The following CPA6 variants were observed in gnomAD, a reference collection of about 807,000 sequenced individuals.
CPA6 encodes carboxypeptidase B.
CPA6 carries 58 observed loss-of-function variants against 63.3 expected under a neutral mutation model. That is an observed-to-expected ratio of 0.92 (90% CI 0.74 to 1.14). The LOEUF (loss-of-function observed/expected upper bound fraction) is 1.14, where lower values mean the gene tolerates loss of function less well. CPA6 is among the 50% of genes most tolerant of loss of function. CPA6 has a pLI of 0.00. For synonymous variants in CPA6, 185 were observed against 179.0 expected (o/e 1.03, Z -0.27); for missense variants, 565 against 526.6 (o/e 1.07, Z -0.71).
chr8:67,684,476 G>C (rs1301210750), intron 1 of CPA6, among the ~76,000 whole-genome samples: 1 of 152,058 alleles, frequency 6.6e-6, no homozygotes, highest in Non-Finnish European at 1.5e-5. Flanking sequence ...CACCTCCCTT[G>C]CCATCTCCCC....
intron 9 of CPA6, among the ~76,000 whole-genome samples, chr8:67,428,598 C>T (rs1044196444): frequency 2.0e-5 from 3 of 152,246 alleles, no homozygotes; most frequent in Non-Finnish European, 4.4e-5. Context: ...ATTCCCCTGC[C>T]TCAGCCTCCT....
intron 8 of CPA6, among the ~76,000 whole-genome samples, chr8:67,449,918 C>T (rs577449820): frequency 2.1e-4 from 31 of 150,250 alleles, no homozygotes; most frequent in African/African-American, 6.1e-4. Flanking sequence ...CGGGTTCAAG[C>T]GATTCTCATG....
At chr8:67,441,326 A>G (rs952625114) in intron 8 of CPA6, among the ~76,000 whole-genome samples, 2 of 152,224 alleles carry the variant, frequency 1.3e-5, no homozygotes, top group Admixed American at 6.5e-5. Flanking sequence ...AACTCTACTA[A>G]AAGATCTATA....
chr8:67,674,701 G>A (rs573709191), intron 1 of CPA6, among the ~76,000 whole-genome samples: 1 of 152,220 alleles, frequency 6.6e-6, no homozygotes, highest in East Asian at 1.9e-4. Flanking sequence ...AGATCATTAT[G>A]CCAAAAAGAC....
chr8:67,514,059 G>A (rs538329645), intron 3 of CPA6, among the ~76,000 whole-genome samples: 12 of 151,808 alleles, frequency 7.9e-5, no homozygotes, highest in African/African-American at 2.4e-4. Context: ...CCAAGTTCAA[G>A]CGATTCTCAT....
At chr8:67,489,713 T>A (rs1203930052) in intron 6 of CPA6, among the ~76,000 whole-genome samples, 2 of 152,200 alleles carry the variant, frequency 1.3e-5, no homozygotes, top group Non-Finnish European at 2.9e-5. Flanking sequence ...ATGTTATTAT[T>A]GTTTGTATTA....
At chr8:67,585,612 A>G (rs191831528) in intron 2 of CPA6, among the ~76,000 whole-genome samples, 21 of 152,274 alleles carry the variant, frequency 1.4e-4, no homozygotes, top group Admixed American at 6.5e-5. Context: ...GCAAACCCCA[A>G]AATAATTTTA....
intron 1 of CPA6, among the ~76,000 whole-genome samples, chr8:67,652,168 A>G (rs2128991559): frequency 6.6e-6 from 1 of 152,232 alleles, no homozygotes; most frequent in East Asian, 1.9e-4. Context: ...GTTGGTTCCA[A>G]GTCTTGCTAT....
intron 1 of CPA6, among the ~76,000 whole-genome samples, chr8:67,658,739 C>A (rs1479205452): frequency 6.6e-6 from 1 of 152,180 alleles, no homozygotes; most frequent in East Asian, 1.9e-4. Flanking sequence ...CATTTTGTTA[C>A]TAAAAATCCA....
At chr8:67,679,231 CCCCG>C (rs1816542344) in intron 1 of CPA6, among the ~76,000 whole-genome samples, 1 of 152,160 alleles carries the variant, frequency 6.6e-6, no homozygotes. Flanking sequence ...AAAACAAAAG[CCCCG>C]AACATTCTGA....
intron 1 of CPA6, among the ~76,000 whole-genome samples, chr8:67,720,036 G>A (rs1284707566): frequency 6.6e-6 from 1 of 152,100 alleles, no homozygotes; most frequent in Admixed American, 6.5e-5. Context: ...AATCACCTGG[G>A]GGCAGGTGGG....
rs151112813 is a variant in CPA6, at chr8:67,528,087, T to C, written c.193-10040A>G. Among the ~76,000 whole-genome samples, 1,480 of 152,316 alleles carry C rather than the reference T, an allele frequency of 9.7e-3. 25 individuals carry two copies. Among genetic ancestry groups the C allele is most frequent in the African/African-American group, 0.034 (1,396 of 41,568 alleles). ...CCGAAAGCCTGCAGAATTTCAGCCATTGAGCTAAGTGCTGAGGGTACAACA... is the reference window on the plus strand; with the variant it reads ...CCGAAAGCCTGCAGAATTTCAGCCACTGAGCTAAGTGCTGAGGGTACAACA... On this transcript the variant is annotated intron_variant, in intron 2 of 10. Coordinates refer to ENST00000297770, the MANE Select transcript of CPA6 (RefSeq NM_020361.5).
intron 2 of CPA6, among the ~76,000 whole-genome samples, chr8:67,612,442 G>A (rs1814832707): frequency 6.6e-6 from 1 of 152,046 alleles, no homozygotes; most frequent in Non-Finnish European, 1.5e-5. Context: ...CTCTGTACTG[G>A]GTCAATGTCT....
At chr8:67,594,983 G>A (rs1455721110) in intron 2 of CPA6, among the ~76,000 whole-genome samples, 1 of 152,144 alleles carries the variant, frequency 6.6e-6, no homozygotes, top group Non-Finnish European at 1.5e-5. Context: ...CAGTTTTTCT[G>A]CTCTGTTTTT....
intron 1 of CPA6, among the ~76,000 whole-genome samples, chr8:67,659,718 G>A (rs1027754390): frequency 1.3e-5 from 2 of 152,188 alleles, no homozygotes; most frequent in Admixed American, 6.5e-5. Context: ...TAGTCAATCA[G>A]CTGAATGCTT....
intron 2 of CPA6, among the ~76,000 whole-genome samples, chr8:67,562,384 G>A (rs569193134): frequency 2.6e-5 from 4 of 152,142 alleles, no homozygotes; most frequent in Admixed American, 6.5e-5. Context: ...GCCCTTCCTG[G>A]CCCTGACAGA....
chr8:67,470,402 C>T (rs751382851), intron 8 of CPA6, among the ~76,000 whole-genome samples: 1 of 152,186 alleles, frequency 6.6e-6, no homozygotes, highest in East Asian at 1.9e-4. Context: ...ATCCCAGTTA[C>T]AGCGCCCAGC....
chr8:67,721,164 C>T (rs1170103162), intron 1 of CPA6, among the ~76,000 whole-genome samples: 4 of 152,230 alleles, frequency 2.6e-5, no homozygotes, highest in African/African-American at 7.2e-5. Flanking sequence ...AGCCCAAGAG[C>T]TTTTTAAAGC....
intron 8 of CPA6, among the ~76,000 whole-genome samples, chr8:67,465,924 T>C (rs1169009755): frequency 6.6e-6 from 1 of 152,126 alleles, no homozygotes; most frequent in Non-Finnish European, 1.5e-5. Context: ...TCTTTTTTCA[T>C]TGTGTCTCTG....
Sources: gnomAD v4.1 joint callset for allele counts (sites outside exome capture counted in the v4.1 genomes callset) on GRCh38, gnomAD v4.1.1 for gene constraint, MANE v1.5 for transcripts, NCBI Gene and HGNC (gene_info 2026-07-23, HGNC 2026-07-21) for gene names.